Variants in MORN1 observed in about 807,000 individuals in gnomAD.
MORN1 encodes MORN repeat containing 1, also known as MORN repeat-containing protein 1.
MORN1 carries 67 observed loss-of-function variants against 61.9 expected under a neutral mutation model. The ratio of observed to expected loss-of-function variants is 1.08; its 90% confidence interval spans 0.89 to 1.33. MORN1 has a LOEUF of 1.33. Among genes scored for constraint, MORN1 ranks in the 40% most tolerant of loss-of-function variants. MORN1 has a pLI of 0.00. For missense variants in MORN1, 752 were observed against 691.2 expected (o/e 1.09, Z -0.99); for synonymous variants, 301 against 292.0 (o/e 1.03, Z -0.31).
intron 9 of MORN1, among the ~76,000 whole-genome samples, chr1:2,358,039 G>GC (rs1461597094): frequency 6.6e-6 from 1 of 152,176 alleles, no homozygotes; most frequent in Non-Finnish European, 1.5e-5. Flanking sequence ...ATGGTAAAAT[G>GC]CATGGATTTT....
At chr1:2,387,820 TGG>T in intron 3 of MORN1, 1 of 452,762 alleles carries the variant, frequency 2.2e-6, no homozygotes, top group South Asian at 3.3e-5. Flanking sequence ...GGTTTTTCCC[TGG>T]CTCTTTAAAA....
chr1:2,362,337 A>T (rs1460541507), intron 8 of MORN1, among the ~76,000 whole-genome samples: 1 of 152,220 alleles, frequency 6.6e-6, no homozygotes, highest in Non-Finnish European at 1.5e-5. Flanking sequence ...AGGAGGAAGA[A>T]GAGGGGTTGG....
At position 2,357,548 on chromosome 1, in the gene MORN1, G is replaced by T; in HGVS notation, c.920C>A (p.Pro307Gln). ...YPVSSPAAGV[P>Q]GPRAAKGGAE... The stretch of plus-strand genomic sequence containing the variant: ...CCCTCCCTTGGCAGCTCTGGGCCCC[G>T]GCACCCCAGCTGCGGGGCTGGACAC... Residue 307 changes from proline (P) to glutamine (Q), a missense_variant, in exon 10 of 14, where the codon CCG becomes CAG. Pro to Gln is a moderately conservative substitution (Grantham distance 76, BLOSUM62 -1). Coordinates refer to ENST00000378531, the MANE Select transcript of MORN1 (RefSeq NM_024848.3). The surrounding 1 kb of genome is among the most constrained non-coding windows in gnomAD (Gnocchi z 6.3). The T allele has an allele frequency of 6.2e-7, 1 of 1,612,034 alleles. No individual in the cohort carries two copies. Among genetic ancestry groups the T allele is most frequent in the South Asian group, 1.1e-5 (1 of 90,928 alleles).
chr1:2,383,722 G>A (rs1002982790), intron 6 of MORN1, among the ~76,000 whole-genome samples: 2 of 152,162 alleles, frequency 1.3e-5, no homozygotes, highest in East Asian at 3.8e-4. Flanking sequence ...CGCTCAGGGG[G>A]CCCCTCACAG....
chr1:2,388,692 T>A (rs1570057805), intron 2 of MORN1, among the ~76,000 whole-genome samples: 1 of 141,348 alleles, frequency 7.1e-6, no homozygotes, highest in Non-Finnish European at 1.5e-5. Context: ...GGTGGGAGGA[T>A]CCCTTGAGTC....
intron 10 of MORN1, among the ~76,000 whole-genome samples, chr1:2,338,120 G>A (rs1012762816): frequency 6.6e-6 from 1 of 152,138 alleles, no homozygotes; most frequent in Non-Finnish European, 1.5e-5. Flanking sequence ...ATAGGACCTT[G>A]GGGCTGGAGG....
chr1:2,335,187 C>T (rs1003746805), intron 12 of MORN1, among the ~76,000 whole-genome samples: 18 of 152,368 alleles, frequency 1.2e-4, no homozygotes, highest in African/African-American at 3.6e-4. Context: ...TGGCAGCCCC[C>T]GAGCGTTCCC....
At chr1:2,390,314 G>C (rs1642617476) in intron 1 of MORN1, among the ~76,000 whole-genome samples, 1 of 152,218 alleles carries the variant, frequency 6.6e-6, no homozygotes, top group Non-Finnish European at 1.5e-5. Flanking sequence ...GTGAGGAGCA[G>C]GTTGGGAGCC....
chr1:2,351,629 C>T, intron 10 of MORN1: 2 of 309,436 alleles, frequency 6.5e-6, no homozygotes, highest in Non-Finnish European at 1.2e-5. Flanking sequence ...TGTGGCGCCC[C>T]CAGCAAGCTT....
chr1:2,388,566 C>T (rs1013193087), intron 2 of MORN1: 19 of 488,148 alleles, frequency 3.9e-5, no homozygotes, highest in East Asian at 2.6e-4. Context: ...GCACAGGAAT[C>T]GAAGTGCAGG....
chr1:2,358,501 G>C, intron 9 of MORN1, 91 bp downstream of exon 9: 1 of 1,537,406 alleles, frequency 6.5e-7, no homozygotes, highest in African/African-American at 1.4e-5. Flanking sequence ...CTTAGCCCAG[G>C]TCTCTAGGGA....
At chr1:2,339,471 C>T (rs986732614) in intron 10 of MORN1, among the ~76,000 whole-genome samples, 1 of 152,326 alleles carries the variant, frequency 6.6e-6, no homozygotes, top group South Asian at 2.1e-4. Flanking sequence ...GCACCGCACC[C>T]GCCAGGTGCT....
intron 12 of MORN1, chr1:2,326,653 C>T (rs1641032424): frequency 6.6e-6 from 1 of 152,402 alleles, no homozygotes; most frequent in African/African-American, 2.4e-5. Flanking sequence ...TCACTCCTGT[C>T]CCTCACGCGC....
At chr1:2,371,855 C>T in intron 8 of MORN1, 2 of 176,974 alleles carry the variant, frequency 1.1e-5, no homozygotes, top group Non-Finnish European at 2.5e-5. Flanking sequence ...TTGCGGAGAG[C>T]CGACATTGCA....
At chr1:2,353,212 T>C (rs999481649) in intron 10 of MORN1, among the ~76,000 whole-genome samples, 1 of 152,232 alleles carries the variant, frequency 6.6e-6, no homozygotes, top group Non-Finnish European at 1.5e-5. Flanking sequence ...TTCGTTTTTT[T>C]GAGAATGCGA....
intron 7 of MORN1, 93 bp downstream of exon 7, chr1:2,374,368 T>C (rs1642188274): frequency 9.1e-7 from 1 of 1,093,052 alleles, no homozygotes; most frequent in Non-Finnish European, 1.4e-6. Flanking sequence ...CCCAGTGTGC[T>C]CTTGGTCAGT....
chr1:2,341,466 G>A (rs1030765273), intron 10 of MORN1, among the ~76,000 whole-genome samples: 23 of 152,314 alleles, frequency 1.5e-4, no homozygotes, highest in Non-Finnish European at 3.1e-4. Context: ...GCCAAAGCAG[G>A]CGGATCAGGA....
chr1:2,390,960 G>T (rs1252686349), intron 1 of MORN1, among the ~76,000 whole-genome samples: 5 of 152,126 alleles, frequency 3.3e-5, no homozygotes, highest in African/African-American at 1.2e-4. Context: ...TGGCCACACT[G>T]GTCTCGAACT....
intron 12 of MORN1, among the ~76,000 whole-genome samples, chr1:2,335,828 TAGCCC>T (rs58763089): frequency 0.026 from 3,705 of 143,106 alleles, 204 homozygotes; most frequent in African/African-American, 0.1. Context: ...CTCGCCTCCA[TAGCCC>T]AGCCCAGCCC....
Sources: gnomAD v4.1 joint callset for allele counts (sites outside exome capture counted in the v4.1 genomes callset) on GRCh38, gnomAD v4.1.1 for gene constraint, Gnocchi (gnomAD v3.1) non-coding constraint, MANE v1.5 for transcripts, NCBI Gene and HGNC (gene_info 2026-07-23, HGNC 2026-07-21) for gene names.